IL1RAPL1: variants seen among roughly 807,000 people sequenced by gnomAD.
IL1RAPL1 encodes interleukin 1 receptor accessory protein like 1, also known as interleukin-1 receptor accessory protein-like 1.
Under a neutral mutation model 48.4 loss-of-function variants are expected in IL1RAPL1, and 3 were observed. That is an observed-to-expected ratio of 0.06 (90% CI 0.03 to 0.16). The LOEUF (loss-of-function observed/expected upper bound fraction) is 0.16, where lower values mean the gene tolerates loss of function less well. Among genes scored for constraint, IL1RAPL1 ranks in the 10% least tolerant of loss-of-function variants. IL1RAPL1 has a pLI of 1.00. For missense variants in IL1RAPL1, 349 were observed against 530.6 expected (o/e 0.66, Z 3.36); for synonymous variants, 185 against 187.7 (o/e 0.99, Z 0.12).
intron 1 of IL1RAPL1, among the ~76,000 whole-genome samples, chrX:28,738,088 G>A (rs1935865906): frequency 9.0e-6 from 1 of 111,630 alleles, no homozygotes; most frequent in South Asian, 3.7e-4. Flanking sequence ...ACAGTGAATA[G>A]CAATTTGCAG....
intron 2 of IL1RAPL1, among the ~76,000 whole-genome samples, chrX:28,919,468 GA>G (rs1266710587): frequency 2.7e-5 from 3 of 112,245 alleles, no homozygotes; most frequent in African/African-American, 9.7e-5. Context: ...AATGTATTCA[GA>G]AACAAAAATA....
intron 2 of IL1RAPL1, among the ~76,000 whole-genome samples, chrX:28,993,113 A>C (rs1925649748): frequency 1.8e-5 from 2 of 112,118 alleles, no homozygotes; most frequent in South Asian, 7.3e-4. Context: ...ATTCAGCGAA[A>C]TTGCGAGTAA....
At chrX:29,436,830 A>G (rs187079066) in intron 5 of IL1RAPL1, among the ~76,000 whole-genome samples, 49 of 110,932 alleles carry the variant, frequency 4.4e-4, no homozygotes, top group African/African-American at 1.5e-3. Flanking sequence ...ATATTACTTT[A>G]TCATACTGTG....
intron 3 of IL1RAPL1, among the ~76,000 whole-genome samples, chrX:29,361,720 G>A (rs1211282871): frequency 8.9e-6 from 1 of 112,096 alleles, no homozygotes; most frequent in Non-Finnish European, 1.9e-5. Context: ...GGCCTTTGTG[G>A]TCAGTATACA....
chrX:29,083,544 C>T (rs1387908090), intron 2 of IL1RAPL1, among the ~76,000 whole-genome samples: 3 of 111,605 alleles, frequency 2.7e-5, no homozygotes, highest in Non-Finnish European at 5.6e-5. Context: ...TTTTATTCAG[C>T]ACTCCATGAT....
At chrX:29,682,497 A>G (rs1371162046) in intron 6 of IL1RAPL1, among the ~76,000 whole-genome samples, 1 of 111,571 alleles carries the variant, frequency 9.0e-6, no homozygotes. Context: ...TACTCCCACT[A>G]GGCAGAATTA....
intron 6 of IL1RAPL1, among the ~76,000 whole-genome samples, chrX:29,779,892 C>G (rs181776856): frequency 3.6e-5 from 4 of 110,638 alleles, no homozygotes; most frequent in African/African-American, 1.3e-4. Context: ...TGCCTTTTAG[C>G]GGGCATTACT....
At chrX:29,487,514 A>G (rs1158312935) in intron 5 of IL1RAPL1, among the ~76,000 whole-genome samples, 2 of 111,941 alleles carry the variant, frequency 1.8e-5, no homozygotes, top group Admixed American at 9.5e-5. Context: ...CGTGCATGCT[A>G]TTGATTAATG....
chrX:29,120,387 T>A (rs1291042189), intron 2 of IL1RAPL1, among the ~76,000 whole-genome samples: 1 of 111,935 alleles, frequency 8.9e-6, no homozygotes, highest in East Asian at 2.8e-4. Context: ...CACCATTGAT[T>A]AAATAAGGAG....
chrX:29,932,912 C>G (rs1406629656), intron 8 of IL1RAPL1, among the ~76,000 whole-genome samples: 1 of 111,520 alleles, frequency 9.0e-6, no homozygotes, highest in African/African-American at 3.3e-5. Flanking sequence ...ACAGAGAAGG[C>G]ACTTATAAAA....
chrX:28,856,428 C>T (rs181574432), intron 2 of IL1RAPL1, among the ~76,000 whole-genome samples: 50 of 111,416 alleles, frequency 4.5e-4, no homozygotes, highest in Admixed American at 4.1e-3. Flanking sequence ...ACAGATACAC[C>T]GTGTTTTATT....
At chrX:29,364,581 AAAG>A (rs1286681784) in intron 3 of IL1RAPL1, among the ~76,000 whole-genome samples, 12 of 108,810 alleles carry the variant, frequency 1.1e-4, no homozygotes, top group African/African-American at 4.0e-4. Context: ...AAAAAAAAAA[AAAG>A]AAAAAATATT....
rs987181608 is a variant in IL1RAPL1, at chrX:29,558,032, AT to A, written c.704-110395del. Among the ~76,000 whole-genome samples, 4 of 111,518 alleles carry A rather than the reference AT, an allele frequency of 3.6e-5. No homozygotes were observed. The Admixed American group carries it at 3.8e-4, about 11-fold the overall frequency. ...GATATCTCTCCCAATCACTGATCTC[AT>A]TTCCTTTGGATATACACCCAGAAGT... On this transcript the variant is annotated intron_variant, in intron 5 of 10. Coordinates refer to ENST00000378993, the MANE Select transcript of IL1RAPL1 (RefSeq NM_014271.4).
chrX:29,261,400 C>G (rs1442713189), intron 2 of IL1RAPL1, among the ~76,000 whole-genome samples: 4 of 111,275 alleles, frequency 3.6e-5, no homozygotes, highest in Admixed American at 2.9e-4. Flanking sequence ...GGAATCAATT[C>G]CATGCCTTAG....
chrX:29,441,210 T>C (rs1325269310), intron 5 of IL1RAPL1, among the ~76,000 whole-genome samples: 1 of 111,300 alleles, frequency 9.0e-6, no homozygotes, highest in African/African-American at 3.3e-5. Flanking sequence ...ACATCTCCCC[T>C]CCTTTATGTT....
At chrX:29,002,450 C>CTAT (rs1925876871) in intron 2 of IL1RAPL1, among the ~76,000 whole-genome samples, 1 of 108,878 alleles carries the variant, frequency 9.2e-6, no homozygotes. Flanking sequence ...ATTTCTTGAC[C>CTAT]TATTGATGGT....
chrX:29,024,281 T>C (rs112576037), intron 2 of IL1RAPL1, among the ~76,000 whole-genome samples: 1,289 of 111,789 alleles, frequency 0.012, 22 homozygotes, highest in African/African-American at 0.04. Context: ...TTACTTAAGT[T>C]ATTTAAGTAC....
chrX:28,991,274 C>T (rs889506695), intron 2 of IL1RAPL1, among the ~76,000 whole-genome samples: 1 of 111,757 alleles, frequency 8.9e-6, no homozygotes, highest in African/African-American at 3.2e-5. Context: ...ACTAAAATCA[C>T]TTAAAACATA....
At position 29,803,399 on chromosome X, in the gene IL1RAPL1, A is replaced by ATATATGTATACATGTATACACATATG. The variant is rs1569174305; in HGVS notation, c.779-114058_779-114057insATACATGTATACACATATGTATATGT. On this transcript the variant is annotated intron_variant, in intron 6 of 10. Coordinates refer to ENST00000378993, the MANE Select transcript of IL1RAPL1 (RefSeq NM_014271.4). Reference sequence around the variant, plus strand: ...TATGTATACATGTATACACATATGTATATATGTGTATATGTGTATATGTGT... The same window carrying ATATATGTATACATGTATACACATATG: ...TATGTATACATGTATACACATATGTATATATGTATACATGTATACACATATGTATATGTGTATATGTGTATATGTGT... 1.9e-3 allele frequency among the ~76,000 whole-genome samples: 159 copies of ATATATGTATACATGTATACACATATG among 84,922 alleles called. 3 individuals are homozygous for ATATATGTATACATGTATACACATATG. Among genetic ancestry groups the ATATATGTATACATGTATACACATATG allele is most frequent in the Non-Finnish European group, 3.0e-3 (134 of 44,435 alleles). The allele number at this position is 84,922 out of a possible 115,157, so 73.7% of individuals were successfully genotyped here.
Sources: allele counts gnomAD v4.1 joint callset (sites outside exome capture counted in the v4.1 genomes callset), GRCh38; gene constraint gnomAD v4.1.1; transcripts MANE v1.5; gene names NCBI Gene and HGNC (gene_info 2026-07-23, HGNC 2026-07-21).